ST6GALNAC5: variants seen among roughly 807,000 people sequenced by gnomAD.
ST6GALNAC5 encodes ST6 N-acetylgalactosaminide alpha-2,6-sialyltransferase 5.
In ST6GALNAC5, 27 loss-of-function variants were observed where a neutral mutation model predicts 33.6. The ratio of observed to expected loss-of-function variants is 0.80; its 90% CI spans 0.59 to 1.11. ST6GALNAC5 has a LOEUF of 1.11. Among genes scored for constraint, ST6GALNAC5 ranks in the 50% least tolerant of loss-of-function variants. ST6GALNAC5 has a pLI of 0.00. For synonymous variants in ST6GALNAC5, 194 were observed against 171.2 expected, an observed-to-expected ratio of 1.13 and a Z score of -1.04; for missense variants, 428 against 454.0, an observed-to-expected ratio of 0.94 and a Z score of 0.52.
intron 2 of ST6GALNAC5, among the ~76,000 whole-genome samples, chr1:76,916,674 A>G (rs1365778835): frequency 6.6e-6 from 1 of 152,064 alleles, no homozygotes; most frequent in Non-Finnish European, 1.5e-5. Context: ...CTCCGTTTAA[A>G]ATCTAGACGG....
chr1:76,902,952 C>T (rs926625193), intron 2 of ST6GALNAC5, among the ~76,000 whole-genome samples: 18 of 152,012 alleles, frequency 1.2e-4, no homozygotes, highest in African/African-American at 4.3e-4. Flanking sequence ...TAGAAGAAAA[C>T]TCAGGGATAA....
At chr1:76,990,666 C>T (rs528671448) in intron 2 of ST6GALNAC5, among the ~76,000 whole-genome samples, 5 of 152,116 alleles carry the variant, frequency 3.3e-5, no homozygotes, top group Non-Finnish European at 7.4e-5. Flanking sequence ...CATTCAAGAG[C>T]CGATGGAAAA....
chr1:76,986,071 C>T (rs561092359), intron 2 of ST6GALNAC5, among the ~76,000 whole-genome samples: 5 of 152,288 alleles, frequency 3.3e-5, no homozygotes, highest in South Asian at 4.1e-4. Flanking sequence ...AAAACCTAGG[C>T]GATACCTTTC....
intron 4 of ST6GALNAC5, among the ~76,000 whole-genome samples, chr1:77,055,456 C>G (rs1197897334): frequency 1.3e-5 from 2 of 152,184 alleles, no homozygotes; most frequent in African/African-American, 2.4e-5. Context: ...TGAACACATG[C>G]ATTATTTTCT....
At chr1:77,026,547 A>T (rs1051650595) in intron 2 of ST6GALNAC5, among the ~76,000 whole-genome samples, 1 of 152,138 alleles carries the variant, frequency 6.6e-6, no homozygotes, top group Non-Finnish European at 1.5e-5. Context: ...AGAAGAGGGG[A>T]CACATAGCCT....
chr1:76,884,500 AC>A (rs1439532596), intron 2 of ST6GALNAC5, among the ~76,000 whole-genome samples: 3 of 152,164 alleles, frequency 2.0e-5, no homozygotes, highest in Non-Finnish European at 4.4e-5. Flanking sequence ...GCTGGCAGAG[AC>A]TTTAGTATGT....
At chr1:76,935,038 G>T (rs569864944) in intron 2 of ST6GALNAC5, among the ~76,000 whole-genome samples, 23 of 152,044 alleles carry the variant, frequency 1.5e-4, no homozygotes, top group Non-Finnish European at 2.8e-4. Context: ...TAATAAGTAT[G>T]TGACCATGTA....
intron 2 of ST6GALNAC5, among the ~76,000 whole-genome samples, chr1:76,986,855 A>T (rs1048489394): frequency 6.6e-6 from 1 of 152,220 alleles, no homozygotes; most frequent in African/African-American, 2.4e-5. Flanking sequence ...GGATGAGTTC[A>T]TGTCCTTTGT....
chr1:77,062,461 C>T (rs1188200327), intron 4 of ST6GALNAC5, among the ~76,000 whole-genome samples: 1 of 152,042 alleles, frequency 6.6e-6, no homozygotes, highest in Non-Finnish European at 1.5e-5. Flanking sequence ...TAGAGTTGAC[C>T]AGAAAGGCCA....
At chr1:76,933,756 T>C (rs1647167796) in intron 2 of ST6GALNAC5, among the ~76,000 whole-genome samples, 1 of 135,782 alleles carries the variant, frequency 7.4e-6, no homozygotes, top group Non-Finnish European at 1.6e-5. Flanking sequence ...TCAATTCTTT[T>C]CTCTGCCAAA....
rs574780321 is a variant in ST6GALNAC5, at chr1:76,882,776, C to T, written c.261+14034C>T. Reference sequence around the variant, plus strand: ...CTTACAGATCTTTTCATGTTCCTTGCGTGTTTCCTATGGCTTCCCATTGCC... The same window carrying T: ...CTTACAGATCTTTTCATGTTCCTTGTGTGTTTCCTATGGCTTCCCATTGCC... On this transcript the variant is annotated intron_variant, in intron 2 of 4. Coordinates refer to ENST00000477717, the MANE Select transcript of ST6GALNAC5 (RefSeq NM_030965.3). Among the ~76,000 whole-genome samples, 22 of 152,264 alleles carry T rather than the reference C, an allele frequency of 1.4e-4. No homozygotes were observed. In the South Asian group the frequency reaches 3.9e-3, roughly 27 times the overall value.
At chr1:76,922,908 C>A (rs1018125914) in intron 2 of ST6GALNAC5, among the ~76,000 whole-genome samples, 1 of 150,614 alleles carries the variant, frequency 6.6e-6, no homozygotes, top group African/African-American at 2.4e-5. Flanking sequence ...TACACTCCCG[C>A]CTAGGTGACA....
intron 2 of ST6GALNAC5, among the ~76,000 whole-genome samples, chr1:76,933,191 T>C (rs1647162204): frequency 6.6e-6 from 1 of 152,058 alleles, no homozygotes; most frequent in African/African-American, 2.4e-5. Flanking sequence ...AAAGGCATCT[T>C]CTATATCTAG....
intron 2 of ST6GALNAC5, among the ~76,000 whole-genome samples, chr1:76,879,416 C>G (rs2100920228): frequency 6.6e-6 from 1 of 152,278 alleles, no homozygotes; most frequent in South Asian, 2.1e-4. Flanking sequence ...CACCATTGTC[C>G]CATACCCTTA....
rs751221511 is a variant in ST6GALNAC5 at position 77,044,393 on chromosome 1, A to G, written c.451A>G (p.Arg151Gly). The G allele has an allele frequency of 6.2e-7, 1 of 1,613,450 alleles. No homozygotes were observed. The highest frequency in any genetic ancestry group is 1.1e-5 in the South Asian group (1 of 91,060). Residue 151 changes from arginine to glycine, a missense_variant, in exon 3 of 5, where the codon AGG becomes GGG. Transcript: ENST00000477717. ...LRVIAHSSIQRILRNRHDLLN... is the reference protein window; with the variant it reads ...LRVIAHSSIQGILRNRHDLLN... ...GGTCATCGCGCATTCCAGCATCCAGAGGATCCTCCGCAACCGCCATGACCT... is the reference window on the plus strand; with the variant it reads ...GGTCATCGCGCATTCCAGCATCCAGGGGATCCTCCGCAACCGCCATGACCT...
chr1:77,049,132 G>T (rs774182838), intron 3 of ST6GALNAC5, among the ~76,000 whole-genome samples: 2 of 152,132 alleles, frequency 1.3e-5, no homozygotes, highest in Non-Finnish European at 1.5e-5. Context: ...CCTTAAAAAT[G>T]TCCTCTCTCT....
intron 2 of ST6GALNAC5, among the ~76,000 whole-genome samples, chr1:76,979,293 A>C (rs1001476321): frequency 2.6e-5 from 4 of 152,206 alleles, no homozygotes; most frequent in African/African-American, 9.6e-5. Context: ...ATTGAAATGC[A>C]GAAGACTCTG....
At chr1:76,977,279 G>T (rs78551960) in intron 2 of ST6GALNAC5, among the ~76,000 whole-genome samples, 1 of 151,944 alleles carries the variant, frequency 6.6e-6, no homozygotes, top group Admixed American at 6.6e-5. Flanking sequence ...GTTAATTACC[G>T]TATTTGTTAC....
intron 2 of ST6GALNAC5, among the ~76,000 whole-genome samples, chr1:76,886,180 AATT>A (rs1653890405): frequency 1.3e-5 from 2 of 152,232 alleles, no homozygotes; most frequent in Admixed American, 6.5e-5. Flanking sequence ...GCACAGTTAT[AATT>A]ATCACATTTT....
Sources: allele counts gnomAD v4.1 joint callset (sites outside exome capture counted in the v4.1 genomes callset), GRCh38; gene constraint gnomAD v4.1.1; transcripts MANE v1.5; gene names NCBI Gene and HGNC (gene_info 2026-07-23, HGNC 2026-07-21).